Variants in RIMS2 observed in about 807,000 individuals in gnomAD.
RIMS2 encodes the protein regulating synaptic membrane exocytosis 2.
RIMS2 carries 59 observed loss-of-function variants against 174.4 expected under a neutral mutation model. The ratio of observed to expected loss-of-function variants is 0.34; its 90% confidence interval spans 0.27 to 0.42. The LOEUF is 0.42. Among genes scored for constraint, RIMS2 ranks in the 10% least tolerant of loss-of-function variants. The probability of loss-of-function intolerance (pLI) is 1.00; values close to 1 mark genes in which losing one functional copy is unlikely to be tolerated. For synonymous variants in RIMS2, 606 were observed against 572.5 expected (o/e 1.06, Z -0.84); for missense variants, 1,620 against 1,666.3 (o/e 0.97, Z 0.48).
chr8:103,512,544 G>A (rs1177547998), intron 1 of RIMS2, among the ~76,000 whole-genome samples: 1 of 151,996 alleles, frequency 6.6e-6, no homozygotes, highest in East Asian at 1.9e-4. Context: ...TGAATCCTAA[G>A]TTGTCTCTTA....
intron 4 of RIMS2, among the ~76,000 whole-genome samples, chr8:103,886,537 ATTTT>A (rs1274878096): frequency 6.6e-6 from 1 of 151,880 alleles, no homozygotes; most frequent in Non-Finnish European, 1.5e-5. Context: ...AATAACATTT[ATTTT>A]TTGTCTCCTT....
At chr8:104,156,854 A>G (rs1600188355) in intron 19 of RIMS2, among the ~76,000 whole-genome samples, 1 of 152,234 alleles carries the variant, frequency 6.6e-6, no homozygotes, top group South Asian at 2.1e-4. Context: ...CCAGGCATAC[A>G]GAAAGTGACT....
chr8:103,756,384 G>GT (rs1207935628), intron 2 of RIMS2, among the ~76,000 whole-genome samples: 20 of 111,134 alleles, frequency 1.8e-4, no homozygotes, highest in African/African-American at 5.6e-4. Flanking sequence ...TGTTGTTGTT[G>GT]TTTTTGTTTT....
chr8:103,794,442 T>A (rs1209748060), intron 3 of RIMS2, among the ~76,000 whole-genome samples: 3 of 152,168 alleles, frequency 2.0e-5, no homozygotes, highest in Non-Finnish European at 4.4e-5. Flanking sequence ...TTATGATGGA[T>A]TAAAGACTTA....
intron 4 of RIMS2, among the ~76,000 whole-genome samples, chr8:103,897,142 T>C (rs1208091160): frequency 1.3e-5 from 2 of 151,766 alleles, no homozygotes; most frequent in African/African-American, 2.4e-5. Flanking sequence ...TGAATTTTTT[T>C]CCCTTGTTGG....
intron 1 of RIMS2, among the ~76,000 whole-genome samples, chr8:103,648,370 G>A (rs2096384765): frequency 6.6e-6 from 1 of 152,014 alleles, no homozygotes; most frequent in Non-Finnish European, 1.5e-5. Flanking sequence ...TAAAATTTTA[G>A]TTAGATAAAA....
intron 1 of RIMS2, among the ~76,000 whole-genome samples, chr8:103,591,581 G>C (rs767049750): frequency 6.6e-6 from 1 of 151,090 alleles, no homozygotes; most frequent in Non-Finnish European, 1.5e-5. Flanking sequence ...ATTAATTATT[G>C]TATGTGGTAT....
chr8:103,528,499 T>A (rs1451878107), intron 1 of RIMS2, among the ~76,000 whole-genome samples: 1 of 152,230 alleles, frequency 6.6e-6, no homozygotes, highest in South Asian at 2.1e-4. Context: ...TGCCTAGGTT[T>A]TCTTCTAGAG....
chr8:103,921,705 G>A (rs754256738), exon 10 of RIMS2: 22 of 1,554,022 alleles, frequency 1.4e-5, no homozygotes, highest in Admixed American at 6.7e-5. Context: ...AAAATGGATC[G>A]TCCTTCTATT....
At chr8:103,996,338 G>A (rs10505053) in intron 17 of RIMS2, among the ~76,000 whole-genome samples, 19,283 of 151,684 alleles carry the variant, frequency 0.13, 1,700 homozygotes, top group Non-Finnish European at 0.19. Context: ...GAACCTCCTC[G>A]TAAATAGGCA....
At chr8:104,122,563 GT>G (rs886576994) in intron 19 of RIMS2, among the ~76,000 whole-genome samples, 3 of 152,156 alleles carry the variant, frequency 2.0e-5, no homozygotes, top group African/African-American at 7.2e-5. Flanking sequence ...TGTCAATAGG[GT>G]TAGGAGTTTT....
chr8:104,153,223 G>A (rs952531945), intron 19 of RIMS2, among the ~76,000 whole-genome samples: 2 of 152,070 alleles, frequency 1.3e-5, no homozygotes, highest in Non-Finnish European at 2.9e-5. Flanking sequence ...AAAGAATTGA[G>A]TATGACTTGA....
intron 3 of RIMS2, among the ~76,000 whole-genome samples, chr8:103,806,747 A>G (rs1233323995): frequency 1.3e-5 from 2 of 151,970 alleles, no homozygotes; most frequent in African/African-American, 2.4e-5. Flanking sequence ...CTAGAATTAT[A>G]GTAGTGAGAT....
At chr8:103,593,413 A>G (rs1382845421) in intron 1 of RIMS2, among the ~76,000 whole-genome samples, 1 of 151,632 alleles carries the variant, frequency 6.6e-6, no homozygotes, top group African/African-American at 2.4e-5. Flanking sequence ...GAGTACAGAA[A>G]GTTCATTGAT....
intron 3 of RIMS2, among the ~76,000 whole-genome samples, chr8:103,814,072 A>T (rs1186333929): frequency 1.3e-5 from 2 of 152,244 alleles, no homozygotes; most frequent in Non-Finnish European, 1.5e-5. Context: ...CGCCATAAAA[A>T]AGAACAAGAT....
At chr8:103,991,591 A>G (rs2094701282) in intron 17 of RIMS2, among the ~76,000 whole-genome samples, 2 of 152,064 alleles carry the variant, frequency 1.3e-5, no homozygotes, top group South Asian at 4.1e-4. Context: ...TTTAATCAAT[A>G]ATAATGTTGA....
Position 103,630,401 on chromosome 8 carries a change from G to C in RIMS2, c.177-66685G>C, listed in dbSNP as rs75222821. ...GAAATGCAAAGCATTCTCAGATGAA[G>C]GAAATCTAAGAACATTTGTCACCAC... On this transcript the variant is annotated intron_variant, in intron 1 of 23. Transcript: ENST00000504942. Among the ~76,000 whole-genome samples, 13 of 151,950 alleles carry C rather than the reference G, an allele frequency of 8.6e-5. No individual in the cohort carries two copies. In the East Asian group the frequency reaches 9.7e-4, roughly 11 times the overall value.
chr8:103,808,841 T>C (rs1306291366), intron 3 of RIMS2, among the ~76,000 whole-genome samples: 1 of 152,156 alleles, frequency 6.6e-6, no homozygotes, highest in Non-Finnish European at 1.5e-5. Flanking sequence ...TACATTAGCT[T>C]TCTAAATGAT....
chr8:103,669,031 C>T (rs988515302), intron 1 of RIMS2, among the ~76,000 whole-genome samples: 1 of 152,032 alleles, frequency 6.6e-6, no homozygotes, highest in Non-Finnish European at 1.5e-5. Flanking sequence ...TTTCACGCTG[C>T]CGATGAAGAT....
Sources: gnomAD v4.1 joint callset for allele counts (sites outside exome capture counted in the v4.1 genomes callset) on GRCh38, gnomAD v4.1.1 for gene constraint, MANE v1.5 for transcripts, NCBI Gene and HGNC (gene_info 2026-07-23, HGNC 2026-07-21) for gene names.